The following PEAK1 variants were observed in gnomAD, a reference collection of about 807,000 sequenced individuals.
PEAK1 encodes the protein inactive tyrosine-protein kinase PEAK1.
In PEAK1, 54 loss-of-function variants were observed where a neutral mutation model predicts 124.7. The ratio of observed to expected loss-of-function variants is 0.43; its 90% CI spans 0.35 to 0.54. The LOEUF (loss-of-function observed/expected upper bound fraction) is 0.54. PEAK1 is among the 20% of genes least tolerant of loss of function. The pLI is 0.01. For missense variants in PEAK1, 2,046 were observed against 2,134.5 expected, an observed-to-expected ratio of 0.96 and a Z score of 0.82; for synonymous variants, 719 against 760.0, an observed-to-expected ratio of 0.95 and a Z score of 0.89.
At chr15:77,160,568 G>A (rs919942659) in intron 7 of PEAK1, among the ~76,000 whole-genome samples, 72 of 151,928 alleles carry the variant, frequency 4.7e-4, no homozygotes, top group African/African-American at 1.7e-3. Context: ...TTCAGCTACT[G>A]GGGAGGCTGA....
intron 5 of PEAK1, among the ~76,000 whole-genome samples, chr15:77,274,454 T>C (rs577593429): frequency 4.6e-5 from 7 of 151,210 alleles, no homozygotes; most frequent in Middle Eastern, 3.4e-3. Context: ...GCTAAAGACA[T>C]GAATAGACAA....
At chr15:77,217,493 G>A (rs939390566) in intron 6 of PEAK1, among the ~76,000 whole-genome samples, 1 of 152,160 alleles carries the variant, frequency 6.6e-6, no homozygotes, top group Non-Finnish European at 1.5e-5. Context: ...AGCTTCACCA[G>A]AGAGTCCTCC....
Position 77,133,820 on chromosome 15 carries a change from CTT to C in PEAK1, c.3332-72_3332-71del. The stretch of plus-strand genomic sequence containing the variant: ...TTTCAATCTAATTTTATAACTGAAA[CTT>C]GAGCAGAAATGAGTGAGGTAGCCAT... On this transcript the variant is annotated intron_variant, in intron 8 of 9. Coordinates refer to ENST00000682557, the MANE Select transcript of PEAK1 (RefSeq NM_001385026.1). The surrounding 1 kb of genome is among the most constrained non-coding windows in gnomAD (Gnocchi z 4.2). 6.8e-7 allele frequency: 1 copy of C among 1,459,940 alleles called. No homozygotes were observed. 90.4% of individuals were successfully genotyped at this position (1,459,940 alleles called of 1,614,324 possible).
At chr15:77,250,166 C>G (rs1384329947) in intron 6 of PEAK1, among the ~76,000 whole-genome samples, 8 of 131,800 alleles carry the variant, frequency 6.1e-5, no homozygotes, top group Non-Finnish European at 1.1e-4. Flanking sequence ...CATATATATA[C>G]ATATATATGT....
intron 1 of PEAK1, among the ~76,000 whole-genome samples, chr15:77,385,612 G>A (rs2069862633): frequency 6.6e-6 from 1 of 152,156 alleles, no homozygotes; most frequent in Admixed American, 6.5e-5. Context: ...ACCCCTATAA[G>A]GAAGGCTATC....
chr15:77,256,200 T>A (rs1487054879), intron 5 of PEAK1, among the ~76,000 whole-genome samples: 2 of 152,150 alleles, frequency 1.3e-5, no homozygotes, highest in African/African-American at 4.8e-5. Context: ...GGAATTAGCC[T>A]TGCATGACTG....
intron 6 of PEAK1, among the ~76,000 whole-genome samples, chr15:77,187,613 G>A (rs962631339): frequency 6.6e-6 from 1 of 152,134 alleles, no homozygotes; most frequent in Non-Finnish European, 1.5e-5. Flanking sequence ...CACCCAAGGA[G>A]AATCTGTTAA....
Position 77,114,828 on chromosome 15 carries a change from TAGC to T in PEAK1, c.4566_4568del (p.Leu1524del). On this transcript the variant is annotated inframe_deletion, in exon 10 of 10. Transcript: ENST00000682557. ...TCCCCCCAGGCTGGTAGTGGACAAG[TAGC>T]AGGTTCTCTAGGCGTAGATCGCAGT... is the stretch of plus-strand genomic sequence containing the variant. 1.9e-6 allele frequency: 3 copies of T among 1,613,458 alleles called. No homozygotes were observed. The highest frequency in any genetic ancestry group is 2.5e-6 in the Non-Finnish European group (3 of 1,179,948).
At chr15:77,147,889 T>A (rs2054285862) in intron 8 of PEAK1, among the ~76,000 whole-genome samples, 1 of 152,250 alleles carries the variant, frequency 6.6e-6, no homozygotes, top group South Asian at 2.1e-4. Flanking sequence ...ATGTTCTATA[T>A]CTTCACTGTC....
At chr15:77,154,081 G>A (rs2152776597) in intron 8 of PEAK1, among the ~76,000 whole-genome samples, 1 of 152,214 alleles carries the variant, frequency 6.6e-6, no homozygotes, top group Middle Eastern at 3.4e-3. Context: ...TGTTGACAGT[G>A]GGGTGTTAAA....
chr15:77,221,427 T>A (rs1274522806), intron 6 of PEAK1, among the ~76,000 whole-genome samples: 2 of 152,072 alleles, frequency 1.3e-5, no homozygotes, highest in South Asian at 2.1e-4. Flanking sequence ...AGCCAGATGG[T>A]TGGTAATACG....
Position 77,147,361 on chromosome 15 carries a change from G to A in PEAK1, c.3331+11142C>T, listed in dbSNP as rs1453997233. On this transcript the variant is annotated intron_variant, in intron 8 of 9. Transcript: ENST00000682557. ...TCTAGGATGTTGGGATGCAGAAAGA[G>A]GAACAAGCCAAAAATCGGTTGAATA... Among the ~76,000 whole-genome samples the A allele has an allele frequency of 7.2e-5, 11 of 152,096 alleles. No individual in the cohort carries two copies. The South Asian group carries it at 8.3e-4, about 11-fold the overall frequency.
At chr15:77,292,121 CTTG>C (rs2152980894) in intron 2 of PEAK1, among the ~76,000 whole-genome samples, 2 of 152,180 alleles carry the variant, frequency 1.3e-5, no homozygotes, top group South Asian at 4.2e-4. Flanking sequence ...CACAATGATT[CTTG>C]TTATCTGTGG....
chr15:77,319,558 G>C (rs2065071163), intron 2 of PEAK1, among the ~76,000 whole-genome samples: 1 of 152,126 alleles, frequency 6.6e-6, no homozygotes, highest in South Asian at 2.1e-4. Flanking sequence ...AATGGAAAAG[G>C]GCACTTTGGC....
At chr15:77,254,857 C>A (rs1462449092) in intron 5 of PEAK1, among the ~76,000 whole-genome samples, 1 of 152,174 alleles carries the variant, frequency 6.6e-6, no homozygotes, top group Non-Finnish European at 1.5e-5. Flanking sequence ...TCTGCTCTCA[C>A]AGAGTTTACG....
intron 6 of PEAK1, among the ~76,000 whole-genome samples, chr15:77,228,190 T>A (rs917081497): frequency 6.6e-6 from 1 of 152,180 alleles, no homozygotes; most frequent in South Asian, 2.1e-4. Context: ...TATGTTTACA[T>A]GTGCCATGTT....
At chr15:77,106,792 A>T (rs1053340656), downstream of PEAK1, 6 of 152,148 alleles carry the variant, frequency 3.9e-5, no homozygotes, top group Admixed American at 2.0e-4. Flanking sequence ...CTGCTAAATC[A>T]TGGAGGTATG....
In PEAK1 at chr15:77,336,509, AGTTGCTT is replaced by A. The variant is rs1429011902; in HGVS notation, c.-603+28647_-603+28653del. 4.4e-5 allele frequency: 43 copies of A among 985,428 alleles called. No homozygotes were observed. The South Asian group carries it at 8.9e-4, about 20-fold the overall frequency. The allele number at this position is 985,428 out of a possible 1,614,324, so 61.0% of individuals were successfully genotyped here. On this transcript the variant is annotated intron_variant, in intron 2 of 9. Coordinates refer to ENST00000682557, the MANE Select transcript of PEAK1 (RefSeq NM_001385026.1). ...ATCATGTCTATAAAAGCAGCTCTTC[AGTTGCTT>A]GTTGCTTGTTGCCCACATGAAATAT...
intron 7 of PEAK1, among the ~76,000 whole-genome samples, chr15:77,167,369 T>C (rs1596442494): frequency 6.6e-6 from 1 of 152,206 alleles, no homozygotes; most frequent in Admixed American, 6.5e-5. Context: ...GACTACCCCA[T>C]TCTGGTACAT....
Sources: allele counts gnomAD v4.1 joint callset (sites outside exome capture counted in the v4.1 genomes callset), GRCh38; gene constraint gnomAD v4.1.1; non-coding constraint Gnocchi (gnomAD v3.1); transcripts MANE v1.5; gene names NCBI Gene and HGNC (gene_info 2026-07-23, HGNC 2026-07-21).